The following RAB3GAP2 variants were observed in gnomAD, a reference collection of about 807,000 sequenced individuals.
RAB3GAP2 encodes rab3 GTPase-activating protein non-catalytic subunit.
A neutral mutation model predicts 185.3 loss-of-function variants in RAB3GAP2; 87 were observed. The ratio of observed to expected loss-of-function variants is 0.47; its 90% CI spans 0.39 to 0.56. The LOEUF (loss-of-function observed/expected upper bound fraction) is 0.56. Among genes scored for constraint, RAB3GAP2 ranks in the 20% least tolerant of loss-of-function variants. The pLI, the probability that RAB3GAP2 is intolerant of heterozygous loss-of-function variation, is 0.00. For missense variants in RAB3GAP2, 1,492 were observed against 1,638.2 expected (o/e 0.91, Z 1.54); for synonymous variants, 554 against 576.1 (o/e 0.96, Z 0.55).
At chr1:220,199,713 C>T (rs1237675320) in intron 9 of RAB3GAP2, among the ~76,000 whole-genome samples, 1 of 152,152 alleles carries the variant, frequency 6.6e-6, no homozygotes, top group Non-Finnish European at 1.5e-5. Flanking sequence ...ATTCTCATTT[C>T]AGTAAACAGT....
At chr1:220,264,978 A>G (rs950367322) in intron 1 of RAB3GAP2, among the ~76,000 whole-genome samples, 3 of 152,142 alleles carry the variant, frequency 2.0e-5, no homozygotes, top group African/African-American at 4.8e-5. Flanking sequence ...TAGATGCTCA[A>G]TAAATACTAC....
chr1:220,210,890 A>C lies in RAB3GAP2; in HGVS notation c.435-14T>G. On this transcript the variant is annotated splice_polypyrimidine_tract_variant and intron_variant, in intron 5 of 34. Coordinates refer to ENST00000358951, the MANE Select transcript of RAB3GAP2 (RefSeq NM_012414.4). ...CCAGTGGAACTCCTGTTACAAACAA[A>C]ATTTATTATCTTAACAACTCATAAA... The C allele has an allele frequency of 6.2e-7, 1 of 1,613,868 alleles. No homozygotes were observed. The highest frequency in any genetic ancestry group is 1.3e-5 in the African/African-American group (1 of 75,056).
At chr1:220,233,559 C>G (rs1193695606) in intron 1 of RAB3GAP2, among the ~76,000 whole-genome samples, 1 of 152,058 alleles carries the variant, frequency 6.6e-6, no homozygotes, top group African/African-American at 2.4e-5. Context: ...CATTTTTGAA[C>G]AACTACTCTG....
chr1:220,269,004 T>C (rs1200093551), intron 1 of RAB3GAP2, among the ~76,000 whole-genome samples: 1 of 152,214 alleles, frequency 6.6e-6, no homozygotes, highest in South Asian at 2.1e-4. Context: ...AATAACCACA[T>C]GTGCCTAGAG....
chr1:220,150,700 T>A lies in RAB3GAP2; in HGVS notation c.*551A>T, dbSNP rs1416595106. 3 of 154,998 alleles carry A rather than the reference T, an allele frequency of 1.9e-5. No individual in the cohort carries two copies. In the Admixed American group the frequency reaches 1.9e-4, roughly 10 times the overall value. The allele number at this position is 154,998 out of a possible 1,614,324, so 9.6% of individuals were successfully genotyped here. On this transcript the variant is annotated 3_prime_UTR_variant, in exon 35 of 35. Coordinates refer to ENST00000358951, the MANE Select transcript of RAB3GAP2 (RefSeq NM_012414.4). ...TCTTCCTCCTCAAGCACGGTCATCC[T>A]CCTCTGATGGCAACAGCAGAACCTC...
rs1657879035 is a variant in RAB3GAP2, at chr1:220,157,476, T to G, written c.3349A>C (p.Arg1117=). ...LQILMEADVS[R]DEIQVPVLDT... ...AGCACAGGCACCTGTATTTCATCCC[T>G]GCTAACATCTGCCTAAGGGTTTTGA... The change falls in exon 31 of 35, where the codon AGG becomes CGG. Residue 1117 remains arginine (R), a synonymous_variant. Coordinates refer to ENST00000358951, the MANE Select transcript of RAB3GAP2 (RefSeq NM_012414.4). 1.9e-6 allele frequency: 3 copies of G among 1,613,198 alleles called. No homozygotes were observed. The highest frequency in any genetic ancestry group is 1.8e-4 in the Middle Eastern group (1 of 5,434).
At position 220,185,723 on chromosome 1, in the gene RAB3GAP2, C is replaced by T. The variant is rs142216249; in HGVS notation, c.1798G>A (p.Ala600Thr). ...CAAGAAAATGGTAAACGTTCACTTGCCAAAATGCTTTCCAAAGCCTAGGAG... is the reference window on the plus strand; with the variant it reads ...CAAGAAAATGGTAAACGTTCACTTGTCAAAATGCTTTCCAAAGCCTAGGAG... ...TKKQALESIL[A>T]SERLPFSCLR... The change falls in exon 18 of 35, where the codon GCA becomes ACA. Residue 600 changes from alanine to threonine, a missense_variant. By Grantham distance (58) the Ala-to-Thr change is moderately conservative. Transcript: ENST00000358951. The T allele has an allele frequency of 3.1e-6, 5 of 1,611,746 alleles. No individual in the cohort carries two copies. In the African/African-American group the frequency reaches 5.3e-5, roughly 17 times the overall value.
intron 2 of RAB3GAP2, among the ~76,000 whole-genome samples, chr1:220,227,106 C>T (rs1022751488): frequency 1.3e-5 from 2 of 152,178 alleles, no homozygotes; most frequent in African/African-American, 2.4e-5. Flanking sequence ...AGTCACCTAG[C>T]GTGTGGTACA....
intron 28 of RAB3GAP2, among the ~76,000 whole-genome samples, chr1:220,159,957 C>T (rs533375694): frequency 7.6e-4 from 115 of 151,944 alleles, no homozygotes; most frequent in African/African-American, 2.3e-3. Context: ...GTAGAGGTTG[C>T]GGTGAGCCAA....
chr1:220,219,568 ATC>A (rs982341630), intron 2 of RAB3GAP2: 6 of 151,554 alleles, frequency 4.0e-5, no homozygotes, highest in Non-Finnish European at 4.4e-5. Flanking sequence ...ATGTTCTCAT[ATC>A]TCTCTCTCTC....
At chr1:220,235,669 A>G (rs2102893329) in intron 1 of RAB3GAP2, among the ~76,000 whole-genome samples, 1 of 152,292 alleles carries the variant, frequency 6.6e-6, no homozygotes, top group African/African-American at 2.4e-5. Flanking sequence ...ATGTGTATAA[A>G]ATAAACTATA....
chr1:220,184,129 A>G lies in RAB3GAP2; in HGVS notation c.1905T>C (p.Phe635=). 1 of 1,611,132 alleles carries G rather than the reference A, an allele frequency of 6.2e-7. No homozygotes were observed. The highest frequency in any genetic ancestry group is 8.5e-7 in the Non-Finnish European group (1 of 1,177,602). ...GCAGCAGTTTTAGTTTATTGGCACAAAACTGTAGCAATCCTTCATCAACAG... is the reference window on the plus strand; with the variant it reads ...GCAGCAGTTTTAGTTTATTGGCACAGAACTGTAGCAATCCTTCATCAACAG... ...LESVDEGLLQ[F]CANKLKLLQL... Residue 635 remains phenylalanine, a synonymous_variant, in exon 19 of 35, where the codon TTT becomes TTC. Transcript: ENST00000358951.
chr1:220,183,797 T>C (rs1463784927), intron 19 of RAB3GAP2, among the ~76,000 whole-genome samples: 1 of 152,130 alleles, frequency 6.6e-6, no homozygotes, highest in African/African-American at 2.4e-5. Flanking sequence ...TTATATACTA[T>C]ATGTACAAAA....
At chr1:220,252,953 C>T (rs565488162) in intron 1 of RAB3GAP2, among the ~76,000 whole-genome samples, 1 of 152,336 alleles carries the variant, frequency 6.6e-6, no homozygotes, top group Admixed American at 6.5e-5. Flanking sequence ...AGTTAAGACC[C>T]ACTGGCTTGG....
chr1:220,234,536 A>G (rs921354758), intron 1 of RAB3GAP2, among the ~76,000 whole-genome samples: 2 of 152,244 alleles, frequency 1.3e-5, no homozygotes, highest in African/African-American at 2.4e-5. Context: ...TTTGATTAAC[A>G]TTGCACAATT....
chr1:220,211,258 T>C (rs1415392587), intron 4 of RAB3GAP2: 1 of 630,644 alleles, frequency 1.6e-6, no homozygotes, highest in Admixed American at 2.1e-5. Flanking sequence ...ATGAAAAACA[T>C]GAAAGTACAG....
chr1:220,171,777 C>T (rs1658182125), intron 23 of RAB3GAP2, 112 bp downstream of exon 23: 2 of 1,180,050 alleles, frequency 1.7e-6, no homozygotes, highest in East Asian at 2.4e-5. Context: ...AGGGGAGCAC[C>T]TCTCATCCCT....
At position 220,252,245 on chromosome 1, in the gene RAB3GAP2, A is replaced by T. The variant is rs538819322; in HGVS notation, c.116-19382T>A. Among the ~76,000 whole-genome samples, 5 of 151,726 alleles carry T rather than the reference A, an allele frequency of 3.3e-5. No individual in the cohort carries two copies. The East Asian group carries it at 9.6e-4, about 29-fold the overall frequency. ...ATAAATGACTTGGAAAGATATAGATATTATATAATATATAATTAAACTACA... is the reference window on the plus strand; with the variant it reads ...ATAAATGACTTGGAAAGATATAGATTTTATATAATATATAATTAAACTACA... On this transcript the variant is annotated intron_variant, in intron 1 of 34. Transcript: ENST00000358951.
chr1:220,267,818 A>T, intron 1 of RAB3GAP2: 1 of 1,335,926 alleles, frequency 7.5e-7, no homozygotes, highest in Middle Eastern at 1.8e-4. Flanking sequence ...ATGGATTCTG[A>T]CAAGGAAATT....
Sources: allele counts gnomAD v4.1 joint callset (sites outside exome capture counted in the v4.1 genomes callset), GRCh38; gene constraint gnomAD v4.1.1; transcripts MANE v1.5; gene names NCBI Gene and HGNC (gene_info 2026-07-23, HGNC 2026-07-21).